Variants in TMEFF2 observed in about 807,000 individuals in gnomAD.
TMEFF2 encodes tomoregulin-2.
In TMEFF2, 28 loss-of-function variants were observed where a neutral mutation model predicts 53.8. The ratio of observed to expected loss-of-function variants is 0.52; its 90% CI spans 0.39 to 0.71. The LOEUF (loss-of-function observed/expected upper bound fraction) is 0.71. TMEFF2 is among the 30% of genes least tolerant of loss of function. The pLI is 0.00. For synonymous variants in TMEFF2, 162 were observed against 166.3 expected, an observed-to-expected ratio of 0.97 and a Z score of 0.20; for missense variants, 353 against 455.2, an observed-to-expected ratio of 0.78 and a Z score of 2.04.
intron 1 of TMEFF2, 94 bp from the exon 2 acceptor site, chr2:192,192,083 A>C (rs539272569): frequency 2.8e-5 from 23 of 832,334 alleles, no homozygotes; most frequent in Non-Finnish European, 4.2e-5. Context: ...TACTTGTCCT[A>C]AATTTTAAAT....
In TMEFF2 at chr2:192,122,170, AATT is replaced by A. The variant is rs544750542; in HGVS notation, c.439+57495_439+57497del. ...TCATATGTGCCCCATATATATACAT[AATT>A]ATTATTTGTCAAAAAAACTCAATGG... On this transcript the variant is annotated intron_variant, in intron 4 of 9. Transcript: ENST00000272771. 2.2e-4 allele frequency among the ~76,000 whole-genome samples: 33 copies of A among 152,286 alleles called. 1 individual carries two copies. The East Asian group carries it at 5.4e-3, about 25-fold the overall frequency.
At chr2:191,991,177 A>C (rs1686096012) in intron 7 of TMEFF2, among the ~76,000 whole-genome samples, 1 of 152,260 alleles carries the variant, frequency 6.6e-6, no homozygotes, top group East Asian at 1.9e-4. Context: ...TAAGTATTCA[A>C]TAAATATTTC....
At chr2:192,085,123 T>C (rs1407842417) in intron 4 of TMEFF2, among the ~76,000 whole-genome samples, 1 of 152,126 alleles carries the variant, frequency 6.6e-6, no homozygotes, top group African/African-American at 2.4e-5. Flanking sequence ...TCAGAGAGAA[T>C]GGCCCATTTT....
chr2:192,075,128 C>T lies in TMEFF2; in HGVS notation c.440-17353G>A, dbSNP rs183428080. Reference sequence around the variant, plus strand: ...TTGAGGTTCCACAGATTAGAATACTCGAACTAGGCACAGAAGGATGAATGT... The same window carrying T: ...TTGAGGTTCCACAGATTAGAATACTTGAACTAGGCACAGAAGGATGAATGT... On this transcript the variant is annotated intron_variant, in intron 4 of 9. Transcript: ENST00000272771. 2.4e-3 allele frequency among the ~76,000 whole-genome samples: 362 copies of T among 150,906 alleles called. 2 individuals carry two copies. Among genetic ancestry groups the T allele is most frequent in the Non-Finnish European group, 2.4e-3 (164 of 67,650 alleles).
chr2:192,124,706 G>A (rs1689635587), intron 4 of TMEFF2, among the ~76,000 whole-genome samples: 1 of 152,142 alleles, frequency 6.6e-6, no homozygotes. Flanking sequence ...AGCTAAAAAT[G>A]GGTTTCCTGG....
chr2:191,950,490 A>ATTAAGCAAATTATT (rs1691842109), intron 9 of TMEFF2, 83 bp from the exon 10 acceptor site: 1 of 1,523,296 alleles, frequency 6.6e-7, no homozygotes, highest in African/African-American at 1.4e-5. Context: ...AAAGATGTGG[A>ATTAAGCAAATTATT]TTAAGCAAAT....
intron 5 of TMEFF2, among the ~76,000 whole-genome samples, chr2:192,054,861 C>T (rs541896335): frequency 4.6e-5 from 7 of 152,124 alleles, no homozygotes; most frequent in African/African-American, 9.6e-5. Context: ...ATAATGGAAT[C>T]TACCTCCTAT....
chr2:192,127,146 G>A (rs1689696924), intron 4 of TMEFF2, among the ~76,000 whole-genome samples: 2 of 152,292 alleles, frequency 1.3e-5, no homozygotes, highest in African/African-American at 2.4e-5. Context: ...CCCAAGTCAT[G>A]AAAGAATCTA....
At chr2:192,178,616 G>A (rs2106032494) in intron 4 of TMEFF2, 2 of 151,148 alleles carry the variant, frequency 1.3e-5, no homozygotes, top group South Asian at 4.1e-4. Flanking sequence ...TATGTTCTGT[G>A]GGTATTGCTT....
At chr2:192,176,638 C>G (rs984517620) in intron 4 of TMEFF2, 2 of 151,150 alleles carry the variant, frequency 1.3e-5, no homozygotes, top group African/African-American at 2.4e-5. Flanking sequence ...TTAGAACTCC[C>G]TATAAAATGT....
At chr2:192,184,311 T>A (rs189177259) in intron 3 of TMEFF2, 43 bp downstream of exon 3, 18 of 1,600,192 alleles carry the variant, frequency 1.1e-5, no homozygotes, top group Admixed American at 1.7e-5. Context: ...GTTTTTGGAT[T>A]TGGAATCCAT....
At chr2:192,151,457 T>C (rs1472273973) in intron 4 of TMEFF2, among the ~76,000 whole-genome samples, 13 of 151,878 alleles carry the variant, frequency 8.6e-5, no homozygotes, top group Admixed American at 7.2e-4. Flanking sequence ...CACATGTTCA[T>C]TTGGAGATGT....
At chr2:192,124,510 T>TG (rs1689631380) in intron 4 of TMEFF2, among the ~76,000 whole-genome samples, 1 of 152,188 alleles carries the variant, frequency 6.6e-6, no homozygotes, top group Admixed American at 6.6e-5. Flanking sequence ...CTGGATGCGT[T>TG]GCTCCTTCTC....
intron 5 of TMEFF2, chr2:192,043,922 G>A (rs1574320242): frequency 6.6e-6 from 1 of 152,338 alleles, no homozygotes; most frequent in East Asian, 1.9e-4. Flanking sequence ...GAATCTTGGA[G>A]AATGACAGTG....
At chr2:191,956,084 G>GTGTGTGAATGCT (rs11270301) in intron 8 of TMEFF2, among the ~76,000 whole-genome samples, 171 bp downstream of exon 8, 114,122 of 151,300 alleles carry the variant, frequency 0.75, 43,207 homozygotes, top group East Asian at 0.94. Context: ...TTTTTTTTTA[G>GTGTGTGAATGCT]TGTGTGAGTA....
intron 4 of TMEFF2, among the ~76,000 whole-genome samples, chr2:192,067,636 T>C (rs62180364): frequency 0.42 from 62,944 of 151,668 alleles, 14,735 homozygotes; most frequent in East Asian, 0.56. Context: ...CTTTATTAAC[T>C]TACACTTCTG....
intron 4 of TMEFF2, among the ~76,000 whole-genome samples, chr2:192,069,988 G>GTGTGTGTA (rs1340532324): frequency 8.4e-6 from 1 of 118,810 alleles, no homozygotes; most frequent in Non-Finnish European, 1.8e-5. Context: ...GTGTGTGTGT[G>GTGTGTGTA]TATATATATA....
intron 7 of TMEFF2, among the ~76,000 whole-genome samples, chr2:191,988,190 G>A (rs1686023790): frequency 6.6e-6 from 1 of 152,136 alleles, no homozygotes; most frequent in Non-Finnish European, 1.5e-5. Context: ...TCTACATATA[G>A]AAGACAATGT....
chr2:191,953,000 T>G (rs1691934235), intron 9 of TMEFF2, among the ~76,000 whole-genome samples: 1 of 152,244 alleles, frequency 6.6e-6, no homozygotes, highest in South Asian at 2.1e-4. Context: ...AAAGTCCAAT[T>G]CTTGGTTGGT....
Sources: allele counts gnomAD v4.1 joint callset (sites outside exome capture counted in the v4.1 genomes callset), GRCh38; gene constraint gnomAD v4.1.1; transcripts MANE v1.5; gene names NCBI Gene and HGNC (gene_info 2026-07-23, HGNC 2026-07-21).